Variants in DDIT4L observed in about 807,000 individuals in gnomAD.
The protein encoded by DDIT4L is DNA damage-inducible transcript 4-like protein.
In DDIT4L, 13 loss-of-function variants were observed where a neutral mutation model predicts 15.9. The observed-to-expected ratio is 0.82, with a 90% confidence interval of 0.53 to 1.30. The LOEUF (loss-of-function observed/expected upper bound fraction) is 1.30, where lower values mean the gene tolerates loss of function less well. Ranked by LOEUF, DDIT4L falls within the 50% of genes most tolerant of loss-of-function variation. DDIT4L has a pLI of 0.00. For missense variants in DDIT4L, 235 were observed against 224.8 expected (o/e 1.05, Z -0.29); for synonymous variants, 82 against 85.4 (o/e 0.96, Z 0.22).
At chr4:100,189,552 G>T (rs969464594) in intron 2 of DDIT4L, among the ~76,000 whole-genome samples, 2 of 152,248 alleles carry the variant, frequency 1.3e-5, no homozygotes, top group South Asian at 4.1e-4. Flanking sequence ...AAATAGGTGC[G>T]TCGGAATTCA....
rs1723440796 is a variant in DDIT4L, at chr4:100,187,603, A to G, written c.*74T>C. ...TTATTTAGGGCAGGTGGGGCAAACTACAAATGACTTTAGCTGACTAGCTGA... is the reference window on the plus strand; with the variant it reads ...TTATTTAGGGCAGGTGGGGCAAACTGCAAATGACTTTAGCTGACTAGCTGA... On this transcript the variant is annotated 3_prime_UTR_variant, in exon 3 of 3. Coordinates refer to ENST00000273990, the MANE Select transcript of DDIT4L (RefSeq NM_145244.4). 1.3e-6 allele frequency: 2 copies of G among 1,499,214 alleles called. No homozygotes were observed. The highest frequency in any genetic ancestry group is 4.9e-5 in the East Asian group (2 of 40,696). 92.9% of individuals were successfully genotyped at this position (1,499,214 alleles called of 1,614,324 possible). A position where few individuals can be genotyped will look rare whatever the true frequency, so the allele number is the denominator to read the frequency against.
rs3749604 is a variant in DDIT4L at position 100,188,004 on chromosome 4, G to T, written c.255C>A (p.Thr85=). 6 of 1,613,872 alleles carry T rather than the reference G, an allele frequency of 3.7e-6. No homozygotes were observed. Among genetic ancestry groups the T allele is most frequent in the Non-Finnish European group, 3.4e-6 (4 of 1,180,002 alleles). ...CSKVLVPEKL[T]QRIAQDVLRL... ...GCAGGACATCTTGAGCAATTCTCTG[G>T]GTCAGTTTCTCAGGGACAAGGACCT... Residue 85 remains threonine, a synonymous_variant, in exon 3 of 3, where the codon ACC becomes ACA. Coordinates refer to ENST00000273990, the MANE Select transcript of DDIT4L (RefSeq NM_145244.4).
In DDIT4L at chr4:100,187,813, C is replaced by G; in HGVS notation, c.446G>C (p.Ser149Thr). 1 of 1,613,696 alleles carries G rather than the reference C, an allele frequency of 6.2e-7. No individual in the cohort carries two copies. The highest frequency in any genetic ancestry group is 8.5e-7 in the Non-Finnish European group (1 of 1,179,952). The change falls in exon 3 of 3, where the codon AGC (serine) becomes ACC (threonine). Residue 149 changes from serine to threonine, a missense_variant. By Grantham distance (58) the Ser-to-Thr change is moderately conservative. Transcript: ENST00000273990. Reference sequence around the variant, plus strand: ...TCTACTAAAGAAAAAGTCCCTGAAGCTAGTCCATGAGCAGTTCTCCTGCTT... The same window carrying G: ...TCTACTAAAGAAAAAGTCCCTGAAGGTAGTCCATGAGCAGTTCTCCTGCTT... ...VFKQENCSWT[S>T]FRDFFFSRGR...
At chr4:100,188,280 T>C in intron 2 of DDIT4L, 113 bp from the exon 3 acceptor site, 1 of 1,179,180 alleles carries the variant, frequency 8.5e-7, no homozygotes, top group Non-Finnish European at 1.2e-6. Flanking sequence ...GCCTTTTTCT[T>C]GTATTTGTTT....
At position 100,186,979 on chromosome 4, in the gene DDIT4L, A is replaced by G. The variant is rs1013732175; in HGVS notation, c.*698T>C. Reference sequence around the variant, plus strand: ...AGTATTCAACACTTAAGAACAGGGGAAACTGAGCTTATAAAGGCATCTAAA... The same window carrying G: ...AGTATTCAACACTTAAGAACAGGGGGAACTGAGCTTATAAAGGCATCTAAA... On this transcript the variant is annotated 3_prime_UTR_variant, in exon 3 of 3. Coordinates refer to ENST00000273990, the MANE Select transcript of DDIT4L (RefSeq NM_145244.4). 1.3e-5 allele frequency: 2 copies of G among 152,192 alleles called. No homozygotes were observed. Among genetic ancestry groups the G allele is most frequent in the African/African-American group, 4.8e-5 (2 of 41,452 alleles). 9.4% of individuals were successfully genotyped at this position (152,192 alleles called of 1,614,324 possible). A position where few individuals can be genotyped will look rare whatever the true frequency, so the allele number is the denominator to read the frequency against.
chr4:100,189,668 C>A (rs1723481799), intron 2 of DDIT4L, among the ~76,000 whole-genome samples: 1 of 152,226 alleles, frequency 6.6e-6, no homozygotes, highest in Non-Finnish European at 1.5e-5. Context: ...AAGGGGCCTA[C>A]TGGCACCAGA....
intron 2 of DDIT4L, among the ~76,000 whole-genome samples, chr4:100,188,525 T>C (rs1432468925): frequency 6.6e-6 from 1 of 152,212 alleles, no homozygotes; most frequent in Non-Finnish European, 1.5e-5. Flanking sequence ...TTTCTTTTCT[T>C]TTCTCCTACT....
chr4:100,190,056 G>A, intron 1 of DDIT4L, 24 bp from the exon 2 acceptor site: 2 of 1,463,670 alleles, frequency 1.4e-6, no homozygotes, highest in South Asian at 1.1e-5. Flanking sequence ...GGCGAGAAGA[G>A]ACGGATTTGC....
chr4:100,187,398 A>G lies in DDIT4L; in HGVS notation c.*279T>C, dbSNP rs1436996290. 1 of 274,596 alleles carries G rather than the reference A, an allele frequency of 3.6e-6. No homozygotes were observed. The highest frequency in any genetic ancestry group is 6.6e-6 in the Non-Finnish European group (1 of 150,728). 17.0% of individuals were successfully genotyped at this position (274,596 alleles called of 1,614,324 possible). ...AATTGTGGAATCAAATGTAAAACTC[A>G]AATGGGCTTCTACTTTTGCTTACCT... On this transcript the variant is annotated 3_prime_UTR_variant, in exon 3 of 3. Coordinates refer to ENST00000273990, the MANE Select transcript of DDIT4L (RefSeq NM_145244.4).
chr4:100,188,016 AG>A lies in DDIT4L; in HGVS notation c.242del (p.Pro81LeufsTer4). On this transcript the variant is annotated frameshift_variant, in exon 3 of 3. Transcript: ENST00000273990. LOFTEE classifies it high-confidence loss of function. ...TKLGCSKVLV[P>X]EKLTQRIAQD... Reference sequence around the variant, plus strand: ...GAGCAATTCTCTGGGTCAGTTTCTCAGGGACAAGGACCTTTGAGCAACCAAG... The same window carrying A: ...GAGCAATTCTCTGGGTCAGTTTCTCAGGACAAGGACCTTTGAGCAACCAAG... 6.2e-7 allele frequency: 1 copy of A among 1,614,216 alleles called. No homozygotes were observed. The highest frequency in any genetic ancestry group is 8.5e-7 in the Non-Finnish European group (1 of 1,180,044).
intron 1 of DDIT4L, 54 bp from the exon 2 acceptor site, chr4:100,190,086 A>C (rs1182925794): frequency 3.5e-6 from 4 of 1,127,836 alleles, no homozygotes; most frequent in African/African-American, 1.5e-5. Context: ...CGAGTCGTGC[A>C]GAGGCTCCTA....
rs1220308884 is a variant in DDIT4L, at chr4:100,189,894, A to T, written c.90T>A (p.Ser30Arg). ...DCGYHPESLL[S>R]DFDYWDYVVP... is the part of the protein sequence containing the mutation. ...AGGGTGGACAGCGGGGACACTCACC[A>T]CTTAGCAGGCTCTCTGGGTGATAGC... Residue 30 changes from serine (S) to arginine (R), a missense_variant and splice_region_variant, in exon 2 of 3, where the codon AGT becomes AGA. By Grantham distance (110) the Ser-to-Arg change is moderately radical. Coordinates refer to ENST00000273990, the MANE Select transcript of DDIT4L (RefSeq NM_145244.4). 1 of 1,613,736 alleles carries T rather than the reference A, an allele frequency of 6.2e-7. No individual in the cohort carries two copies. The highest frequency in any genetic ancestry group is 1.3e-5 in the African/African-American group (1 of 74,888).
rs1446441774 is a variant in DDIT4L at position 100,186,312 on chromosome 4, C to CG, written c.*1364_*1365insC. ...AACACCAGGATGAATACATCTGTCC[C>CG]TACGCCGGTCTCCAGCATGTGAAGT... On this transcript the variant is annotated 3_prime_UTR_variant, in exon 3 of 3. Coordinates refer to ENST00000273990, the MANE Select transcript of DDIT4L (RefSeq NM_145244.4). The CG allele has an allele frequency of 3.9e-5, 6 of 152,150 alleles. No homozygotes were observed. The highest frequency in any genetic ancestry group is 8.8e-5 in the Non-Finnish European group (6 of 68,034). 9.4% of individuals were successfully genotyped at this position (152,150 alleles called of 1,614,324 possible).
At position 100,187,658 on chromosome 4, in the gene DDIT4L, CTT is replaced by C; in HGVS notation, c.*17_*18del. ...TTTTACTACCCAATCATGAAATAATCTTTATATATTTTCCCTTTTTAGGACCC... is the reference window on the plus strand; with the variant it reads ...TTTTACTACCCAATCATGAAATAATCTATATATTTTCCCTTTTTAGGACCC... On this transcript the variant is annotated 3_prime_UTR_variant, in exon 3 of 3. Coordinates refer to ENST00000273990, the MANE Select transcript of DDIT4L (RefSeq NM_145244.4). 6.4e-7 allele frequency: 1 copy of C among 1,572,738 alleles called. No homozygotes were observed. Among genetic ancestry groups the C allele is most frequent in the Non-Finnish European group, 8.6e-7 (1 of 1,169,276 alleles).
intron 2 of DDIT4L, among the ~76,000 whole-genome samples, chr4:100,189,248 T>C: frequency 6.6e-6 from 1 of 152,232 alleles, no homozygotes; most frequent in Non-Finnish European, 1.5e-5. Context: ...AAATTCCAAA[T>C]GACAGCAAGT....
chr4:100,189,254 C>T (rs1295051848), intron 2 of DDIT4L, among the ~76,000 whole-genome samples: 1 of 152,210 alleles, frequency 6.6e-6, no homozygotes, highest in Non-Finnish European at 1.5e-5. Flanking sequence ...CAAATGACAG[C>T]AAGTCAAGCA....
In DDIT4L at chr4:100,188,131, T is replaced by G; in HGVS notation, c.128A>C (p.Asn43Thr). The change falls in exon 3 of 3, where the codon AAC (asparagine) becomes ACC (threonine). Residue 43 changes from asparagine to threonine, a missense_variant. Transcript: ENST00000273990. ...DYWDYVVPEP[N>T]LNEVIFEEST... ...TTCCTCAAATATTACCTCGTTGAGGTTGGGTTCAGGAACAACATAATCCCA... is the reference window on the plus strand; with the variant it reads ...TTCCTCAAATATTACCTCGTTGAGGGTGGGTTCAGGAACAACATAATCCCA... 1 of 1,612,606 alleles carries G rather than the reference T, an allele frequency of 6.2e-7. No homozygotes were observed. Among genetic ancestry groups the G allele is most frequent in the Non-Finnish European group, 8.5e-7 (1 of 1,180,022 alleles).
chr4:100,186,257 T>A lies in DDIT4L; in HGVS notation c.*1420A>T, dbSNP rs1723418546. On this transcript the variant is annotated 3_prime_UTR_variant, in exon 3 of 3. Transcript: ENST00000273990. Reference sequence around the variant, plus strand: ...GTGACATTTTAGGTCACTTATAGTATCAGTAACAGGATCACACCTGTTTTT... The same window carrying A: ...GTGACATTTTAGGTCACTTATAGTAACAGTAACAGGATCACACCTGTTTTT... 2 of 152,216 alleles carry A rather than the reference T, an allele frequency of 1.3e-5. No homozygotes were observed. Among genetic ancestry groups the A allele is most frequent in the African/African-American group, 2.4e-5 (1 of 41,452 alleles). The allele number at this position is 152,216 out of a possible 1,614,324, so 9.4% of individuals were successfully genotyped here.
chr4:100,189,127 A>C (rs993630814), intron 2 of DDIT4L, among the ~76,000 whole-genome samples: 2 of 152,242 alleles, frequency 1.3e-5, no homozygotes, highest in Admixed American at 6.5e-5. Context: ...AAATTAGGTC[A>C]TCAACCACTT....
Sources: gnomAD v4.1 joint callset for allele counts (sites outside exome capture counted in the v4.1 genomes callset) on GRCh38, gnomAD v4.1.1 for gene constraint, MANE v1.5 for transcripts, NCBI Gene and HGNC (gene_info 2026-07-23, HGNC 2026-07-21) for gene names.